Variants in NEGR1 observed in about 807,000 individuals in gnomAD.
NEGR1 encodes IgLON family member 4.
A neutral mutation model predicts 40.9 loss-of-function variants in NEGR1; 10 were observed. The observed-to-expected ratio is 0.24, with a 90% CI of 0.15 to 0.42. The LOEUF is 0.42. Among genes scored for constraint, NEGR1 ranks in the 10% least tolerant of loss-of-function variants. The pLI, the probability that NEGR1 is intolerant of heterozygous loss-of-function variation, is 1.00. For missense variants in NEGR1, 352 were observed against 438.9 expected (o/e 0.80, Z 1.77); for synonymous variants, 185 against 166.8 (o/e 1.11, Z -0.84).
chr1:71,483,168 A>G (rs870460), intron 6 of NEGR1, among the ~76,000 whole-genome samples: 18,776 of 151,470 alleles, frequency 0.12, 3,104 homozygotes, highest in African/African-American at 0.39. Flanking sequence ...GACAGAGTCC[A>G]CCAGGCATTG....
At position 71,400,222 on chromosome 1, in the gene NEGR1, C is replaced by T. The variant is rs898300675; in HGVS notation, c.*7224G>A. On this transcript the variant is annotated 3_prime_UTR_variant, in exon 7 of 7. Transcript: ENST00000357731. ...TTGAAGGTGTAATGAACCATGCTAC[C>T]TCCTGTAGTTTCTACCAAACCAAGA... The T allele has an allele frequency of 1.3e-5, 2 of 152,098 alleles. No homozygotes were observed. The highest frequency in any genetic ancestry group is 4.8e-5 in the African/African-American group (2 of 41,426). 9.4% of individuals were successfully genotyped at this position (152,098 alleles called of 1,614,324 possible).
intron 6 of NEGR1, among the ~76,000 whole-genome samples, chr1:71,459,206 C>T (rs1646697425): frequency 1.3e-5 from 2 of 152,116 alleles, no homozygotes; most frequent in African/African-American, 4.8e-5. Flanking sequence ...TAACAGCTAA[C>T]TTAACTTTAA....
At chr1:71,578,414 T>C (rs1053510327) in intron 6 of NEGR1, among the ~76,000 whole-genome samples, 1 of 152,236 alleles carries the variant, frequency 6.6e-6, no homozygotes, top group East Asian at 1.9e-4. Flanking sequence ...TGTAGCTGAA[T>C]TGGTAAACTA....
At chr1:71,746,754 A>G (rs776972084) in intron 3 of NEGR1, among the ~76,000 whole-genome samples, 3 of 149,712 alleles carry the variant, frequency 2.0e-5, no homozygotes, top group Non-Finnish European at 4.4e-5. Context: ...ACACACACAC[A>G]CGCGTACACA....
intron 1 of NEGR1, among the ~76,000 whole-genome samples, chr1:71,975,386 A>T (rs1405421928): frequency 2.6e-5 from 4 of 152,210 alleles, no homozygotes; most frequent in African/African-American, 9.6e-5. Context: ...ATTAAAAAAT[A>T]CTGCAACCTA....
rs1257649811 is a variant in NEGR1, at chr1:71,403,293, A to G, written c.*4153T>C. On this transcript the variant is annotated 3_prime_UTR_variant, in exon 7 of 7. Coordinates refer to ENST00000357731, the MANE Select transcript of NEGR1 (RefSeq NM_173808.3). Reference sequence around the variant, plus strand: ...AAGGAAATTGTATCTGAATACCTTCAGGTGCCCGTTGTTTTATACCCAGCT... The same window carrying G: ...AAGGAAATTGTATCTGAATACCTTCGGGTGCCCGTTGTTTTATACCCAGCT... 1 of 152,044 alleles carries G rather than the reference A, an allele frequency of 6.6e-6. No individual in the cohort carries two copies. Among genetic ancestry groups the G allele is most frequent in the Non-Finnish European group, 1.5e-5 (1 of 67,928 alleles). The allele number at this position is 152,044 out of a possible 1,614,324, so 9.4% of individuals were successfully genotyped here. A position where few individuals can be genotyped will look rare whatever the true frequency, so the allele number is the denominator to read the frequency against.
rs1216035540 is a variant in NEGR1 at position 71,436,256 on chromosome 1, G to T, written c.941-28686C>A. On this transcript the variant is annotated intron_variant, in intron 6 of 6. Coordinates refer to ENST00000357731, the MANE Select transcript of NEGR1 (RefSeq NM_173808.3). ...AAAAAAAAAAAAGGTGGGGTATGAA[G>T]GGTTTCAATACAAAGATCTTGGAGA... Among the ~76,000 whole-genome samples, 4 of 151,214 alleles carry T rather than the reference G, an allele frequency of 2.6e-5. 1 individual carries two copies. The South Asian group carries it at 6.2e-4, about 24-fold the overall frequency.
At position 72,216,457 on chromosome 1, in the gene NEGR1, G is replaced by T. The variant is rs577016730; in HGVS notation, c.176+65862C>A. ...CACATATATATATATGTAGCTAGTG[G>T]AAATATAAAATATATTTTCATTTAT... On this transcript the variant is annotated intron_variant, in intron 1 of 6. Transcript: ENST00000357731. Among the ~76,000 whole-genome samples, 4 of 141,644 alleles carry T rather than the reference G, an allele frequency of 2.8e-5. No individual in the cohort carries two copies. The South Asian group carries it at 8.6e-4, about 31-fold the overall frequency. 92.9% of individuals were successfully genotyped at this position (141,644 alleles called of 152,430 possible).
At chr1:72,253,622 ACT>A (rs1224499890) in intron 1 of NEGR1, among the ~76,000 whole-genome samples, 1 of 152,226 alleles carries the variant, frequency 6.6e-6, no homozygotes, top group Non-Finnish European at 1.5e-5. Flanking sequence ...ATGCTGGAAT[ACT>A]GTTACCAATA....
In NEGR1 at chr1:71,842,289, T is replaced by C. The variant is rs536527401; in HGVS notation, c.410-65992A>G. 5.7e-4 allele frequency among the ~76,000 whole-genome samples: 87 copies of C among 152,244 alleles called. 1 individual carries two copies. The highest frequency in any genetic ancestry group is 2.0e-3 in the African/African-American group (84 of 41,564). On this transcript the variant is annotated intron_variant, in intron 2 of 6. Coordinates refer to ENST00000357731, the MANE Select transcript of NEGR1 (RefSeq NM_173808.3). ...TTATGAAAGTGTCTTCCCTGGTGAT[T>C]CTTTTGAAGGGGAAATCCACTACCT...
chr1:71,732,177 A>G (rs1001758118), intron 3 of NEGR1, among the ~76,000 whole-genome samples: 6 of 152,102 alleles, frequency 3.9e-5, no homozygotes, highest in African/African-American at 1.4e-4. Flanking sequence ...ACATGGTGGC[A>G]CACGCCTATA....
chr1:71,666,815 T>C (rs1409490485), intron 4 of NEGR1, among the ~76,000 whole-genome samples: 5 of 152,204 alleles, frequency 3.3e-5, no homozygotes, highest in African/African-American at 1.2e-4. Flanking sequence ...TGAATGATTT[T>C]TTTAAGTTTC....
intron 4 of NEGR1, among the ~76,000 whole-genome samples, chr1:71,631,982 C>T (rs1650984786): frequency 6.6e-6 from 1 of 151,590 alleles, no homozygotes; most frequent in African/African-American, 2.4e-5. Context: ...GTAATTCCTG[C>T]CTCTGTAATA....
intron 6 of NEGR1, among the ~76,000 whole-genome samples, chr1:71,430,657 T>TA (rs1026396032): frequency 1.1e-4 from 15 of 142,348 alleles, no homozygotes; most frequent in Admixed American, 4.3e-4. Flanking sequence ...AGCTTTTTTT[T>TA]AAAAAAAAAA....
intron 1 of NEGR1, among the ~76,000 whole-genome samples, chr1:71,954,831 G>C (rs1488007406): frequency 6.6e-6 from 1 of 152,036 alleles, no homozygotes; most frequent in Non-Finnish European, 1.5e-5. Flanking sequence ...TCTTGTGGCT[G>C]TCAGCCACAC....
chr1:72,180,772 C>T (rs183939966), intron 1 of NEGR1, among the ~76,000 whole-genome samples: 27 of 152,206 alleles, frequency 1.8e-4, no homozygotes, highest in African/African-American at 6.3e-4. Context: ...CACCTCAACC[C>T]CATTAGAATG....
At chr1:71,737,284 G>A (rs1395093242) in intron 3 of NEGR1, among the ~76,000 whole-genome samples, 1 of 151,670 alleles carries the variant, frequency 6.6e-6, no homozygotes, top group African/African-American at 2.4e-5. Flanking sequence ...TACAAATTCT[G>A]GTCTTGATTT....
intron 1 of NEGR1, among the ~76,000 whole-genome samples, chr1:71,960,456 T>C (rs1002695771): frequency 6.6e-6 from 1 of 152,198 alleles, no homozygotes; most frequent in African/African-American, 2.4e-5. Context: ...CACACATATT[T>C]GAATCTGATA....
At chr1:72,122,146 A>G (rs1006263357) in intron 1 of NEGR1, among the ~76,000 whole-genome samples, 2 of 151,962 alleles carry the variant, frequency 1.3e-5, no homozygotes, top group Non-Finnish European at 2.9e-5. Context: ...AAACTCCCAT[A>G]CTCAATAAGT....
Sources: gnomAD v4.1 joint callset for allele counts (sites outside exome capture counted in the v4.1 genomes callset) on GRCh38, gnomAD v4.1.1 for gene constraint, MANE v1.5 for transcripts, NCBI Gene and HGNC (gene_info 2026-07-23, HGNC 2026-07-21) for gene names.